MAML3: variants seen among roughly 807,000 people sequenced by gnomAD.
MAML3 encodes the protein mastermind like transcriptional coactivator 3, also known as mastermind-like protein 3.
In MAML3, 27 loss-of-function variants were observed where a neutral mutation model predicts 101.9. The observed-to-expected ratio is 0.27, with a 90% CI of 0.20 to 0.37. MAML3 has a LOEUF of 0.37. MAML3 is among the 10% of genes least tolerant of loss of function. MAML3 has a pLI of 1.00. For missense variants in MAML3, 1,316 were observed against 1,444.9 expected, an observed-to-expected ratio of 0.91 and a Z score of 1.45; for synonymous variants, 501 against 555.9, an observed-to-expected ratio of 0.90 and a Z score of 1.39.
intron 2 of MAML3, among the ~76,000 whole-genome samples, chr4:139,750,774 T>C (rs1008115847): frequency 1.3e-5 from 2 of 152,234 alleles, no homozygotes; most frequent in Admixed American, 1.3e-4. Context: ...AAGTTAGCGA[T>C]AGATTTTCAT....
rs115521980 is a variant in MAML3, at chr4:140,018,222, A to G, written c.469-127255T>C. Among the ~76,000 whole-genome samples, 270 of 152,268 alleles carry G rather than the reference A, an allele frequency of 1.8e-3. 1 individual carries two copies. The highest frequency in any genetic ancestry group is 6.2e-3 in the African/African-American group (257 of 41,578). ...TCTATGTGGCAGCTTCTGCTGGTAT[A>G]TGTAACCGCACAAAAGCCAAACAAA... On this transcript the variant is annotated intron_variant, in intron 1 of 4. Coordinates refer to ENST00000509479, the MANE Select transcript of MAML3 (RefSeq NM_018717.5).
chr4:139,807,535 T>C (rs56410765), intron 2 of MAML3, among the ~76,000 whole-genome samples: 1,899 of 152,214 alleles, frequency 0.012, 39 homozygotes, highest in African/African-American at 0.044. Flanking sequence ...GTGGGGCAGA[T>C]GGGAGAAAGA....
Position 139,836,996 on chromosome 4 carries a change from C to A in MAML3, c.2079+52361G>T, listed in dbSNP as rs1731265312. On this transcript the variant is annotated intron_variant, in intron 2 of 4. Coordinates refer to ENST00000509479, the MANE Select transcript of MAML3 (RefSeq NM_018717.5). ...AATTAGCCGGGCTTGGTGGTGCATGCCTGCAATCCCAGCTACTCAGGAGGC... is the reference window on the plus strand; with the variant it reads ...AATTAGCCGGGCTTGGTGGTGCATGACTGCAATCCCAGCTACTCAGGAGGC... Among the ~76,000 whole-genome samples the A allele has an allele frequency of 2.6e-5, 4 of 151,682 alleles. No individual in the cohort carries two copies. In the South Asian group the frequency reaches 8.3e-4, roughly 32 times the overall value.
intron 1 of MAML3, among the ~76,000 whole-genome samples, chr4:140,100,408 G>A (rs1728235687): frequency 6.6e-6 from 1 of 152,134 alleles, no homozygotes; most frequent in Admixed American, 6.5e-5. Context: ...CAGTCCTCAA[G>A]TTTTATCCTT....
rs35975255 is a variant in MAML3 at position 139,753,341 on chromosome 4, A to AATCTATCTATCT, written c.2080-22686_2080-22675dup. Among the ~76,000 whole-genome samples the AATCTATCTATCT allele has an allele frequency of 4.2e-3, 623 of 146,678 alleles. 1 individual carries two copies. Among genetic ancestry groups the AATCTATCTATCT allele is most frequent in the East Asian group, 6.5e-3 (32 of 4,932 alleles). On this transcript the variant is annotated intron_variant, in intron 2 of 4. Transcript: ENST00000509479. Reference sequence around the variant, plus strand: ...TTCTTTGCTTTTTTCTTTTCTTTTTAATCTATCTATCTATCTATCTATCTA... The same window carrying AATCTATCTATCT: ...TTCTTTGCTTTTTTCTTTTCTTTTTAATCTATCTATCTATCTATCTATCTATCTATCTATCTA...
intron 1 of MAML3, among the ~76,000 whole-genome samples, chr4:140,069,818 A>T (rs546609703): frequency 4.8e-4 from 72 of 148,524 alleles, no homozygotes; most frequent in Non-Finnish European, 9.9e-4. Flanking sequence ...GGAGTCCTTA[A>T]AAAAAAAAAA....
chr4:139,979,400 G>C (rs1010290675), intron 1 of MAML3, among the ~76,000 whole-genome samples: 2 of 152,068 alleles, frequency 1.3e-5, no homozygotes, highest in African/African-American at 4.8e-5. Context: ...AGACACCACT[G>C]CCTCCCAGCT....
At chr4:140,003,303 G>A (rs555394514) in intron 1 of MAML3, among the ~76,000 whole-genome samples, 22 of 152,250 alleles carry the variant, frequency 1.4e-4, no homozygotes, top group Non-Finnish European at 2.6e-4. Flanking sequence ...TTACCTAAGG[G>A]AAAATTCTAG....
intron 2 of MAML3, among the ~76,000 whole-genome samples, chr4:139,823,927 G>A (rs912082437): frequency 4.0e-5 from 6 of 151,502 alleles, no homozygotes; most frequent in Non-Finnish European, 8.8e-5. Flanking sequence ...GCCAAGACCT[G>A]TTCACGTGTT....
chr4:140,113,120 A>G (rs888717790), intron 1 of MAML3, among the ~76,000 whole-genome samples: 4 of 152,030 alleles, frequency 2.6e-5, no homozygotes, highest in Non-Finnish European at 5.9e-5. Context: ...CTACTAAAAA[A>G]TAGAAAAAAT....
intron 2 of MAML3, among the ~76,000 whole-genome samples, chr4:139,827,629 A>G (rs1051154157): frequency 2.0e-5 from 3 of 152,224 alleles, no homozygotes; most frequent in Admixed American, 1.3e-4. Flanking sequence ...CATTTTTCCA[A>G]CCTATGATGA....
At chr4:139,848,839 A>G (rs1731494451) in intron 2 of MAML3, among the ~76,000 whole-genome samples, 1 of 152,242 alleles carries the variant, frequency 6.6e-6, no homozygotes, top group South Asian at 2.1e-4. Context: ...GGATATAGTG[A>G]TCAGAAAAGG....
intron 1 of MAML3, among the ~76,000 whole-genome samples, chr4:139,919,000 TC>T (rs1733076955): frequency 6.6e-6 from 1 of 152,172 alleles, no homozygotes; most frequent in Non-Finnish European, 1.5e-5. Flanking sequence ...AAAGACATTA[TC>T]CATGTCTCTT....
chr4:140,100,792 T>C (rs1024495416), intron 1 of MAML3, among the ~76,000 whole-genome samples: 1 of 152,108 alleles, frequency 6.6e-6, no homozygotes, highest in Non-Finnish European at 1.5e-5. Flanking sequence ...CTTTTAAAGG[T>C]GAGTTGCCTA....
chr4:139,722,081 G>T (rs1194491859), intron 4 of MAML3, among the ~76,000 whole-genome samples: 1 of 152,104 alleles, frequency 6.6e-6, no homozygotes, highest in African/African-American at 2.4e-5. Context: ...GCCATTTTGG[G>T]GTATATTTAT....
Position 139,763,930 on chromosome 4 carries a change from T to C in MAML3, c.2080-33263A>G, listed in dbSNP as rs74586489. ...AATAGCCAAAGTGGAAGTGCTTCTG[T>C]TGCTAAAATAATACTGAACTGGTAT... On this transcript the variant is annotated intron_variant, in intron 2 of 4. Transcript: ENST00000509479. 2.0e-5 allele frequency among the ~76,000 whole-genome samples: 3 copies of C among 152,248 alleles called. No individual in the cohort carries two copies. In the East Asian group the frequency reaches 5.8e-4, roughly 29 times the overall value.
chr4:139,966,203 T>C (rs1734127437), intron 1 of MAML3, among the ~76,000 whole-genome samples: 1 of 152,212 alleles, frequency 6.6e-6, no homozygotes, highest in Non-Finnish European at 1.5e-5. Flanking sequence ...GTATTCACTT[T>C]CATACCATTT....
intron 1 of MAML3, among the ~76,000 whole-genome samples, chr4:140,010,210 G>C (rs915459064): frequency 6.6e-6 from 1 of 152,184 alleles, no homozygotes; most frequent in African/African-American, 2.4e-5. Flanking sequence ...GAGGGCACTG[G>C]TTAGTTCTAG....
In MAML3 at chr4:139,890,385, A is replaced by G. The variant is rs1195689136; in HGVS notation, c.1051T>C (p.Ser351Pro). 1.9e-6 allele frequency: 3 copies of G among 1,603,582 alleles called. No homozygotes were observed. The highest frequency in any genetic ancestry group is 2.6e-6 in the Non-Finnish European group (3 of 1,173,364). ...FSQPATETPL[S>P]QESASVKSDP... ...CTCTTCACGCTCGCACTCTCCTGGG[A>G]GAGAGGGGTCTCAGTTGCTGGCTGC... Residue 351 changes from serine (S) to proline (P), a missense_variant, in exon 2 of 5, where the codon TCC becomes CCC. By Grantham distance (74) the Ser-to-Pro change is moderately conservative (BLOSUM62 -1). Transcript: ENST00000509479. This position sits in a 1 kb window ranked among gnomAD's most constrained non-coding sequence, Gnocchi z 4.1.
Sources: gnomAD v4.1 joint callset for allele counts (sites outside exome capture counted in the v4.1 genomes callset) on GRCh38, gnomAD v4.1.1 for gene constraint, Gnocchi (gnomAD v3.1) non-coding constraint, MANE v1.5 for transcripts, NCBI Gene and HGNC (gene_info 2026-07-23, HGNC 2026-07-21) for gene names.